ZNF385D: variants seen among roughly 807,000 people sequenced by gnomAD.
The protein encoded by ZNF385D is zinc finger protein 385D.
In ZNF385D, 15 loss-of-function variants were observed where a neutral mutation model predicts 35.8. That is an observed-to-expected ratio of 0.42 (90% CI 0.28 to 0.64). ZNF385D has a LOEUF of 0.64. Among genes scored for constraint, ZNF385D ranks in the 30% least tolerant of loss-of-function variants. The probability of loss-of-function intolerance (pLI) is 0.23; values close to 1 mark genes in which losing one functional copy is unlikely to be tolerated. For synonymous variants in ZNF385D, 212 were observed against 186.8 expected (o/e 1.13, Z -1.10); for missense variants, 474 against 494.6 (o/e 0.96, Z 0.39).
At chr3:21,998,959 G>C (rs1049522016) in intron 3 of ZNF385D, among the ~76,000 whole-genome samples, 4 of 152,068 alleles carry the variant, frequency 2.6e-5, no homozygotes, top group Non-Finnish European at 5.9e-5. Flanking sequence ...CTTAAAAAGT[G>C]ATAAAGAGGT....
chr3:22,221,266 G>T (rs182278228), intron 2 of ZNF385D, among the ~76,000 whole-genome samples: 1 of 151,990 alleles, frequency 6.6e-6, no homozygotes, highest in African/African-American at 2.4e-5. Flanking sequence ...GAGAATATTA[G>T]AATCAACTTT....
At chr3:21,698,078 C>T (rs937219558) in intron 1 of ZNF385D, among the ~76,000 whole-genome samples, 1 of 152,068 alleles carries the variant, frequency 6.6e-6, no homozygotes, top group Non-Finnish European at 1.5e-5. Flanking sequence ...CTATTCAACC[C>T]ATTAATCCCA....
rs753614256 is a variant in ZNF385D at position 22,046,305 on chromosome 3, C to T, written c.325+122512G>A. Among the ~76,000 whole-genome samples, 5 of 152,220 alleles carry T rather than the reference C, an allele frequency of 3.3e-5. No individual in the cohort carries two copies. The South Asian group carries it at 1.0e-3, about 32-fold the overall frequency. ...TGCAGCTTCATTAACCATATGTTAC[C>T]AGTCCTCTTATTCCTCACTATCGCT... On this transcript the variant is annotated intron_variant, in intron 3 of 5. Transcript: ENST00000494108.
At chr3:21,816,940 A>G (rs2073174435) in intron 3 of ZNF385D, among the ~76,000 whole-genome samples, 1 of 152,196 alleles carries the variant, frequency 6.6e-6, no homozygotes, top group South Asian at 2.1e-4. Context: ...ACTATAGTAC[A>G]AGGCTACAGT....
chr3:21,765,658 A>T (rs868588458), intron 3 of ZNF385D, among the ~76,000 whole-genome samples: 2,324 of 150,636 alleles, frequency 0.015, 69 homozygotes, highest in African/African-American at 0.054. Flanking sequence ...AAAAAATAGA[A>T]AGAGGAAGAA....
intron 2 of ZNF385D, among the ~76,000 whole-genome samples, chr3:21,606,505 C>G (rs1191689754): frequency 4.6e-5 from 7 of 152,278 alleles, no homozygotes; most frequent in Non-Finnish European, 1.0e-4. Context: ...TGACTTTAGA[C>G]TGCATTTGAT....
intron 1 of ZNF385D, among the ~76,000 whole-genome samples, chr3:21,694,963 G>A (rs528094568): frequency 1.3e-5 from 2 of 152,298 alleles, no homozygotes; most frequent in African/African-American, 4.8e-5. Context: ...CTTTTAAAGT[G>A]AGTCAGTCCC....
At position 22,307,327 on chromosome 3, in the gene ZNF385D, A is replaced by G. The variant is rs1461518012; in HGVS notation, c.106+65123T>C. Reference sequence around the variant, plus strand: ...AATGGAGAAATCTTTGAATGCCACAATGAAGACTCTAAATAGTGTAAGTAA... The same window carrying G: ...AATGGAGAAATCTTTGAATGCCACAGTGAAGACTCTAAATAGTGTAAGTAA... On this transcript the variant is annotated intron_variant, in intron 2 of 5. Transcript: ENST00000494108. Among the ~76,000 whole-genome samples, 4 of 152,178 alleles carry G rather than the reference A, an allele frequency of 2.6e-5. No individual in the cohort carries two copies. The East Asian group carries it at 5.8e-4, about 22-fold the overall frequency.
intron 3 of ZNF385D, among the ~76,000 whole-genome samples, chr3:21,529,878 T>C (rs955110880): frequency 1.3e-5 from 2 of 152,196 alleles, no homozygotes; most frequent in African/African-American, 4.8e-5. Flanking sequence ...TGAAAAATTA[T>C]TGCAGAAAAA....
intron 2 of ZNF385D, among the ~76,000 whole-genome samples, chr3:22,368,006 G>C (rs1411294630): frequency 6.6e-6 from 1 of 152,148 alleles, no homozygotes; most frequent in South Asian, 2.1e-4. Flanking sequence ...TACATAACTT[G>C]CAAGGAAGGA....
chr3:22,322,475 C>A (rs1694486877), intron 2 of ZNF385D, among the ~76,000 whole-genome samples: 1 of 152,128 alleles, frequency 6.6e-6, no homozygotes, highest in Non-Finnish European at 1.5e-5. Context: ...TTTTAGGTAA[C>A]TTGGATTGGG....
intron 2 of ZNF385D, among the ~76,000 whole-genome samples, chr3:22,246,503 G>C (rs2638151): frequency 0.45 from 67,861 of 151,884 alleles, 15,979 homozygotes; most frequent in African/African-American, 0.6. Flanking sequence ...ATACTCATAA[G>C]CCTTCTGATG....
intron 3 of ZNF385D, among the ~76,000 whole-genome samples, chr3:21,841,171 A>G (rs1318577722): frequency 6.6e-6 from 1 of 152,066 alleles, no homozygotes; most frequent in African/African-American, 2.4e-5. Context: ...GTTTTTTACT[A>G]AACTGCATAT....
intron 3 of ZNF385D, among the ~76,000 whole-genome samples, chr3:21,769,626 A>T (rs2070988747): frequency 8.9e-6 from 1 of 112,230 alleles, no homozygotes; most frequent in Non-Finnish European, 1.8e-5. Context: ...GCTCATGGAT[A>T]GGAAGAATCA....
intron 2 of ZNF385D, among the ~76,000 whole-genome samples, chr3:22,189,884 A>G (rs1327481160): frequency 1.3e-5 from 2 of 152,108 alleles, no homozygotes; most frequent in Non-Finnish European, 2.9e-5. Context: ...AAGCACAAGC[A>G]TTTCCTTCCA....
intron 3 of ZNF385D, among the ~76,000 whole-genome samples, chr3:21,521,706 G>A (rs538701661): frequency 2.6e-5 from 4 of 151,986 alleles, no homozygotes; most frequent in East Asian, 3.9e-4. Flanking sequence ...GTGAGCCAGT[G>A]TACTCCAGCC....
chr3:21,428,849 A>G (rs1053641798), intron 5 of ZNF385D, among the ~76,000 whole-genome samples: 7 of 147,558 alleles, frequency 4.7e-5, no homozygotes, highest in African/African-American at 1.5e-4. Context: ...AAATACCTTC[A>G]CCTGAAGCTT....
chr3:22,235,595 G>A (rs1486147145), intron 2 of ZNF385D, among the ~76,000 whole-genome samples: 1 of 152,050 alleles, frequency 6.6e-6, no homozygotes, highest in Non-Finnish European at 1.5e-5. Context: ...AAATATGACA[G>A]TCAAGTAAAA....
chr3:22,060,176 C>T (rs2125539876), intron 3 of ZNF385D, among the ~76,000 whole-genome samples: 1 of 152,292 alleles, frequency 6.6e-6, no homozygotes, highest in Non-Finnish European at 1.5e-5. Context: ...AATTACAAGA[C>T]TGGCTTTCTT....
Sources: gnomAD v4.1 joint callset for allele counts (sites outside exome capture counted in the v4.1 genomes callset) on GRCh38, gnomAD v4.1.1 for gene constraint, MANE v1.5 for transcripts, NCBI Gene and HGNC (gene_info 2026-07-23, HGNC 2026-07-21) for gene names.